Variants in GPHN observed in about 807,000 individuals in gnomAD.
GPHN encodes the protein gephyrin.
A neutral mutation model predicts 95.5 loss-of-function variants in GPHN; 17 were observed. The observed-to-expected ratio is 0.18, with a 90% CI of 0.12 to 0.27. The LOEUF is 0.27. Ranked by LOEUF, GPHN falls within the 10% of genes least tolerant of loss-of-function variation. GPHN has a pLI of 1.00. For missense variants in GPHN, 660 were observed against 978.1 expected, an observed-to-expected ratio of 0.67 and a Z score of 4.34; for synonymous variants, 320 against 322.5, an observed-to-expected ratio of 0.99 and a Z score of 0.08.
At chr14:67,338,979 C>G in the GPHN span, among the ~76,000 whole-genome samples, 2 of 149,546 alleles carry the variant, frequency 1.3e-5, no homozygotes, top group Non-Finnish European at 3.0e-5. Flanking sequence ...CTGATTTAAC[C>G]TGAGACAGAA....
chr14:67,651,395 C>CGAAAGAATT, the GPHN span: 2 of 1,613,680 alleles, frequency 1.2e-6, no homozygotes. Flanking sequence ...TCAATGGCTG[C>CGAAAGAATT]GAAAGAATTT....
intron 4 of GPHN, among the ~76,000 whole-genome samples, chr14:66,842,145 A>G (rs1167101473): frequency 6.6e-6 from 1 of 151,426 alleles, no homozygotes. Context: ...TGGGCTAGAA[A>G]TATTATTTTT....
the GPHN span, chr14:67,656,343 T>C: frequency 7.1e-7 from 1 of 1,409,692 alleles, no homozygotes; most frequent in Non-Finnish European, 9.4e-7. Flanking sequence ...CTTTTGGCCT[T>C]AGTACGGTTT....
intron 8 of GPHN, among the ~76,000 whole-genome samples, chr14:66,960,521 T>A (rs1047560943): frequency 2.0e-5 from 3 of 152,106 alleles, no homozygotes; most frequent in African/African-American, 7.2e-5. Context: ...CTCTGATGTT[T>A]CTGTTGTTTG....
At chr14:66,965,613 C>T (rs903154645) in intron 9 of GPHN, among the ~76,000 whole-genome samples, 1 of 152,080 alleles carries the variant, frequency 6.6e-6, no homozygotes, top group Non-Finnish European at 1.5e-5. Context: ...TTTTAGTATA[C>T]TTAACATTAT....
the GPHN span, among the ~76,000 whole-genome samples, chr14:67,550,576 A>G: frequency 6.6e-6 from 1 of 152,250 alleles, no homozygotes; most frequent in African/African-American, 2.4e-5. Context: ...GTTAATTTAC[A>G]TAGATGAGAC....
At chr14:67,384,952 T>G in the GPHN span, 2 of 152,336 alleles carry the variant, frequency 1.3e-5, no homozygotes, top group South Asian at 2.1e-4. Context: ...AACAGGTGCT[T>G]CTTTGTTGTA....
At chr14:66,723,736 A>G (rs933851714) in intron 2 of GPHN, among the ~76,000 whole-genome samples, 1 of 152,178 alleles carries the variant, frequency 6.6e-6, no homozygotes, top group Non-Finnish European at 1.5e-5. Flanking sequence ...TATTATGTTT[A>G]ATGCTGACAA....
chr14:67,637,992 T>C, the GPHN span, among the ~76,000 whole-genome samples: 4 of 152,172 alleles, frequency 2.6e-5, no homozygotes, highest in Non-Finnish European at 5.9e-5. Flanking sequence ...CCCGCTGCCT[T>C]GAACCTGGGG....
chr14:67,003,770 G>T (rs1457196951), intron 9 of GPHN, among the ~76,000 whole-genome samples: 4 of 151,656 alleles, frequency 2.6e-5, no homozygotes, highest in African/African-American at 9.7e-5. Flanking sequence ...CCTGGTAAAT[G>T]ATGATATTTC....
the GPHN span, among the ~76,000 whole-genome samples, chr14:67,707,196 A>C: frequency 1.6e-4 from 25 of 152,368 alleles, no homozygotes; most frequent in Admixed American, 1.5e-3. Context: ...AAAACAATTG[A>C]AAACATTATT....
At chr14:67,208,324 A>T in the GPHN span, 1 of 1,614,000 alleles carries the variant, frequency 6.2e-7, no homozygotes, top group Non-Finnish European at 8.5e-7. Flanking sequence ...AAGGTAAAAG[A>T]TATTTTCAAA....
chr14:67,572,967 C>T, the GPHN span, among the ~76,000 whole-genome samples: 1 of 152,112 alleles, frequency 6.6e-6, no homozygotes, highest in Non-Finnish European at 1.5e-5. Flanking sequence ...AGCTCAGGGC[C>T]GGCTCTCTCC....
the GPHN span, among the ~76,000 whole-genome samples, chr14:67,295,472 G>GGAAT: frequency 2.0e-5 from 3 of 150,050 alleles, no homozygotes; most frequent in African/African-American, 7.4e-5. Context: ...TCTGGGCGAC[G>GGAAT]GAGTGAGACC....
chr14:67,005,535 C>T (rs1468156779), intron 9 of GPHN, among the ~76,000 whole-genome samples: 1 of 151,824 alleles, frequency 6.6e-6, no homozygotes, highest in Non-Finnish European at 1.5e-5. Context: ...TGTATAGTTA[C>T]ATGTATTTGA....
chr14:66,828,325 T>C (rs1302686273), intron 4 of GPHN, among the ~76,000 whole-genome samples: 1 of 152,106 alleles, frequency 6.6e-6, no homozygotes, highest in African/African-American at 2.4e-5. Flanking sequence ...GCAGTTCTTA[T>C]AATATCTAAC....
At chr14:66,732,998 A>G (rs2071922391) in intron 2 of GPHN, among the ~76,000 whole-genome samples, 1 of 152,120 alleles carries the variant, frequency 6.6e-6, no homozygotes, top group Non-Finnish European at 1.5e-5. Context: ...GTGGAATGAT[A>G]CAGTTCGGCT....
chr14:67,575,523 C>A, the GPHN span: 2 of 1,124,258 alleles, frequency 1.8e-6, no homozygotes, highest in South Asian at 1.3e-5. Flanking sequence ...CCCCGAAGCA[C>A]ATGACTGCCA....
chr14:66,954,494 G>A (rs776491254), intron 8 of GPHN, among the ~76,000 whole-genome samples: 1 of 151,930 alleles, frequency 6.6e-6, no homozygotes, highest in Non-Finnish European at 1.5e-5. Flanking sequence ...CTACAACTTC[G>A]CTAAATTTGT....
Sources: allele counts gnomAD v4.1 joint callset (sites outside exome capture counted in the v4.1 genomes callset), GRCh38; gene constraint gnomAD v4.1.1; transcripts MANE v1.5; gene names NCBI Gene and HGNC (gene_info 2026-07-23, HGNC 2026-07-21).